The following CHIC2 variants were observed in gnomAD, a reference collection of about 807,000 sequenced individuals.
CHIC2 encodes the protein cysteine rich hydrophobic domain 2.
CHIC2 carries 14 observed loss-of-function variants against 25.9 expected under a neutral mutation model. The observed-to-expected ratio is 0.54, with a 90% confidence interval of 0.36 to 0.85. The LOEUF is 0.85. Ranked by LOEUF, CHIC2 falls within the 40% of genes least tolerant of loss-of-function variation. The pLI is 0.01. For missense variants in CHIC2, 146 were observed against 202.0 expected (o/e 0.72, Z 1.68); for synonymous variants, 70 against 72.0 (o/e 0.97, Z 0.14).
At chr4:54,058,075 T>C (rs1717227277) in intron 1 of CHIC2, among the ~76,000 whole-genome samples, 2 of 152,216 alleles carry the variant, frequency 1.3e-5, no homozygotes. Context: ...TTTGATTAAA[T>C]GATTCCTCTA....
chr4:54,032,400 C>T (rs1332652384), intron 3 of CHIC2, among the ~76,000 whole-genome samples: 12 of 150,706 alleles, frequency 8.0e-5, no homozygotes, highest in African/African-American at 2.2e-4. Flanking sequence ...CGAGTGCCTG[C>T]GATTGCAGGT....
chr4:54,047,204 C>T (rs1318421403), intron 3 of CHIC2, among the ~76,000 whole-genome samples: 4 of 152,124 alleles, frequency 2.6e-5, no homozygotes, highest in Non-Finnish European at 5.9e-5. Flanking sequence ...GTTGGTGGGA[C>T]TATAAACCAG....
In CHIC2 at chr4:54,064,571, C is replaced by G; in HGVS notation, c.-271G>C. 1.6e-6 allele frequency: 2 copies of G among 1,269,696 alleles called. No homozygotes were observed. Among genetic ancestry groups the G allele is most frequent in the Non-Finnish European group, 2.0e-6 (2 of 1,007,670 alleles). 78.7% of individuals were successfully genotyped at this position (1,269,696 alleles called of 1,614,324 possible). A position where few individuals can be genotyped will look rare whatever the true frequency, so the allele number is the denominator to read the frequency against. ...GACACCTCCACAAGCACAGACGCCG[C>G]TGCCGCCGCCGCAGCAGCAGCAACT... On this transcript the variant is annotated 5_prime_UTR_variant, in exon 1 of 6. Coordinates refer to ENST00000263921, the MANE Select transcript of CHIC2 (RefSeq NM_012110.4). The surrounding 1 kb of genome is among the most constrained non-coding windows in gnomAD (Gnocchi z 4.2).
intron 1 of CHIC2, among the ~76,000 whole-genome samples, chr4:54,055,683 CT>C (rs1717154587): frequency 6.6e-6 from 1 of 152,094 alleles, no homozygotes; most frequent in African/African-American, 2.4e-5. Flanking sequence ...GAAGAGAGTG[CT>C]TATTTCCTAA....
chr4:54,064,617 C>A (rs1717458177), upstream of CHIC2: 1 of 1,120,236 alleles, frequency 8.9e-7, no homozygotes, highest in Non-Finnish European at 1.1e-6. This position sits in a 1 kb window ranked among gnomAD's most constrained non-coding sequence, Gnocchi z 4.2. Flanking sequence ...CAGCAACAGC[C>A]CGAGCCACCC....
At chr4:54,031,875 C>T (rs1014041147) in intron 3 of CHIC2, among the ~76,000 whole-genome samples, 1 of 152,074 alleles carries the variant, frequency 6.6e-6, no homozygotes, top group Admixed American at 6.5e-5. Flanking sequence ...TTGCCTCGGC[C>T]TCTCAAAGTG....
chr4:54,046,611 A>G (rs1166791858), intron 3 of CHIC2, among the ~76,000 whole-genome samples: 3 of 152,186 alleles, frequency 2.0e-5, no homozygotes, highest in Admixed American at 6.5e-5. Flanking sequence ...CAAAGCTGAA[A>G]CTGGATCCCT....
the CHIC2 span, among the ~76,000 whole-genome samples, chr4:54,070,418 GTATT>G: frequency 9.2e-5 from 11 of 119,064 alleles, no homozygotes; most frequent in Non-Finnish European, 1.9e-4. Context: ...ATGTATTTAT[GTATT>G]TATTTATTTA....
chr4:54,036,421 T>C (rs1259109881), intron 3 of CHIC2, among the ~76,000 whole-genome samples: 1 of 152,170 alleles, frequency 6.6e-6, no homozygotes, highest in Non-Finnish European at 1.5e-5. Context: ...GAGCTTATAA[T>C]AATGGTGGAA....
At chr4:54,010,710 C>T (rs989573385) in intron 5 of CHIC2, among the ~76,000 whole-genome samples, 3 of 152,032 alleles carry the variant, frequency 2.0e-5, no homozygotes. Context: ...TTATACCACC[C>T]TACGTGACTG....
intron 1 of CHIC2, chr4:54,060,690 G>A (rs1717307332): frequency 6.6e-6 from 1 of 152,168 alleles, no homozygotes; most frequent in African/African-American, 2.4e-5. Context: ...AACATATTTT[G>A]CAAATATATT....
At chr4:54,058,173 T>C (rs980594453) in intron 1 of CHIC2, among the ~76,000 whole-genome samples, 2 of 152,132 alleles carry the variant, frequency 1.3e-5, no homozygotes, top group Non-Finnish European at 2.9e-5. Context: ...TCCCACAAAA[T>C]GGTAAAGAAT....
chr4:54,091,809 T>C, the CHIC2 span, among the ~76,000 whole-genome samples: 1 of 152,236 alleles, frequency 6.6e-6, no homozygotes, highest in African/African-American at 2.4e-5. Context: ...AGTACACTTA[T>C]GCTCGCGCTC....
intron 1 of CHIC2, among the ~76,000 whole-genome samples, chr4:54,054,797 A>G (rs576179720): frequency 6.6e-6 from 1 of 152,348 alleles, no homozygotes; most frequent in African/African-American, 2.4e-5. Context: ...ATCTGAACAT[A>G]AGACAAATAG....
At chr4:54,041,730 AT>A (rs1716582876) in intron 3 of CHIC2, among the ~76,000 whole-genome samples, 1 of 152,164 alleles carries the variant, frequency 6.6e-6, no homozygotes, top group Non-Finnish European at 1.5e-5. Flanking sequence ...TACATTAAAT[AT>A]TTTTAAATAT....
chr4:54,014,689 A>G (rs931713542), intron 3 of CHIC2, among the ~76,000 whole-genome samples: 2 of 152,196 alleles, frequency 1.3e-5, no homozygotes, highest in Non-Finnish European at 1.5e-5. Context: ...CCAACATAAA[A>G]GTGTCATCTG....
At chr4:54,026,644 AAC>A (rs958971181) in intron 3 of CHIC2, among the ~76,000 whole-genome samples, 8 of 152,336 alleles carry the variant, frequency 5.3e-5, no homozygotes, top group African/African-American at 1.7e-4. Flanking sequence ...AAAGCTGGAA[AAC>A]AGAGATAATA....
At position 54,031,611 on chromosome 4, in the gene CHIC2, CT is replaced by C. The variant is rs1037563282; in HGVS notation, c.330+17343del. 5.9e-3 allele frequency among the ~76,000 whole-genome samples: 611 copies of C among 103,416 alleles called. 3 individuals are homozygous for C. The highest frequency in any genetic ancestry group is 0.016 in the African/African-American group (397 of 25,494). The allele number at this position is 103,416 out of a possible 152,430, so 67.8% of individuals were successfully genotyped here. On this transcript the variant is annotated intron_variant, in intron 3 of 5. Coordinates refer to ENST00000263921, the MANE Select transcript of CHIC2 (RefSeq NM_012110.4). ...ATATTAAGTAGCCTAGATGTACTTG[CT>C]TTTTTTTTTTTTTTTTTTTTTTGTG...
chr4:54,022,628 T>C (rs1333054260), intron 3 of CHIC2, among the ~76,000 whole-genome samples: 5 of 152,022 alleles, frequency 3.3e-5, no homozygotes, highest in East Asian at 3.9e-4. Context: ...CCACACCTCA[T>C]TGCCACCCTT....
Sources: allele counts gnomAD v4.1 joint callset (sites outside exome capture counted in the v4.1 genomes callset), GRCh38; gene constraint gnomAD v4.1.1; non-coding constraint Gnocchi (gnomAD v3.1); transcripts MANE v1.5; gene names NCBI Gene and HGNC (gene_info 2026-07-23, HGNC 2026-07-21).